The following ERC1 variants were observed in gnomAD, a reference collection of about 807,000 sequenced individuals.
The protein encoded by ERC1 is RAB6 interacting protein 2.
Under a neutral mutation model 132.0 loss-of-function variants are expected in ERC1, and 56 were observed. The ratio of observed to expected loss-of-function variants is 0.42; its 90% CI spans 0.34 to 0.53. The LOEUF (loss-of-function observed/expected upper bound fraction) is 0.53, where lower values mean the gene tolerates loss of function less well. ERC1 is among the 20% of genes least tolerant of loss of function. The pLI is 0.03. For missense variants in ERC1, 1,202 were observed against 1,349.9 expected, an observed-to-expected ratio of 0.89 and a Z score of 1.72; for synonymous variants, 478 against 476.1, an observed-to-expected ratio of 1.00 and a Z score of -0.05.
chr12:1,138,313 AATAC>A (rs1156853548), intron 7 of ERC1, among the ~76,000 whole-genome samples: 2 of 140,072 alleles, frequency 1.4e-5, no homozygotes, highest in Non-Finnish European at 3.0e-5. Context: ...TGTTGTATAT[AATAC>A]ATATGTTGTA....
At position 1,377,366 on chromosome 12, in the gene ERC1, T is replaced by C. The variant is rs74888496; in HGVS notation, c.2925+5389T>C. On this transcript the variant is annotated intron_variant, in intron 16 of 18. Transcript: ENST00000360905. ...CCAGCCTATGCTTTGAATTGGCCGT[T>C]TCTGCAATCTAGCAGACATTCTAGC... Among the ~76,000 whole-genome samples, 102 of 152,276 alleles carry C rather than the reference T, an allele frequency of 6.7e-4. 1 individual carries two copies. The highest frequency in any genetic ancestry group is 2.3e-3 in the African/African-American group (96 of 41,548).
chr12:1,309,133 A>G (rs1377922295), intron 15 of ERC1, among the ~76,000 whole-genome samples: 2 of 152,208 alleles, frequency 1.3e-5, no homozygotes, highest in Non-Finnish European at 2.9e-5. Flanking sequence ...TGTTGTTTAT[A>G]AGCTACCTAG....
chr12:1,290,500 A>T (rs553679306), intron 15 of ERC1, among the ~76,000 whole-genome samples: 1 of 152,220 alleles, frequency 6.6e-6, no homozygotes, highest in Non-Finnish European at 1.5e-5. Flanking sequence ...TGTCACTTTT[A>T]GCAGAGCTTT....
chr12:1,280,335 G>A (rs1406242287), intron 14 of ERC1, among the ~76,000 whole-genome samples: 1 of 152,116 alleles, frequency 6.6e-6, no homozygotes, highest in African/African-American at 2.4e-5. Flanking sequence ...TGCACGGTGG[G>A]ATTTATCCTA....
intron 12 of ERC1, among the ~76,000 whole-genome samples, chr12:1,202,599 G>A (rs189558245): frequency 4.5e-4 from 69 of 152,218 alleles, no homozygotes; most frequent in African/African-American, 1.6e-3. Flanking sequence ...AGAGTTTGCA[G>A]TGAGCCAAGA....
chr12:1,278,806 A>G (rs2078458162), intron 14 of ERC1, among the ~76,000 whole-genome samples: 1 of 152,220 alleles, frequency 6.6e-6, no homozygotes, highest in African/African-American at 2.4e-5. Flanking sequence ...GAGTTTTAAT[A>G]GAACCCTTAA....
chr12:1,001,665 G>A (rs1373712251), intron 1 of ERC1, among the ~76,000 whole-genome samples: 2 of 152,078 alleles, frequency 1.3e-5, no homozygotes, highest in African/African-American at 2.4e-5. Flanking sequence ...ATGTATTCAT[G>A]TCTGGCTTTG....
At chr12:1,154,173 C>CT (rs957822151) in intron 8 of ERC1, among the ~76,000 whole-genome samples, 3 of 148,766 alleles carry the variant, frequency 2.0e-5, no homozygotes, top group African/African-American at 7.4e-5. Flanking sequence ...TGATTTCATT[C>CT]TTTTTTTCAT....
rs368784319 is a variant in ERC1 at position 1,028,341 on chromosome 12, G to C, written c.438G>C (p.Ala146=). Residue 146 remains alanine, a synonymous_variant, in exon 2 of 19, where the codon GCG becomes GCC. Transcript: ENST00000360905. Reference sequence around the variant, plus strand: ...CTGTACCTCACTCCCTTCGTCAGGCGAGAGATAACACAATCATGGATCTGC... The same window carrying C: ...CTGTACCTCACTCCCTTCGTCAGGCCAGAGATAACACAATCATGGATCTGC... The part of the protein sequence containing the change: ...ASTVPHSLRQ[A]RDNTIMDLQT... 1.9e-6 allele frequency: 3 copies of C among 1,614,020 alleles called. No homozygotes were observed. Among genetic ancestry groups the C allele is most frequent in the African/African-American group, 1.3e-5 (1 of 74,900 alleles).
At chr12:1,438,671 G>A (rs548058928) in intron 17 of ERC1, among the ~76,000 whole-genome samples, 2 of 152,306 alleles carry the variant, frequency 1.3e-5, no homozygotes, top group South Asian at 2.1e-4. Context: ...GCTGGGTGCA[G>A]TGGCTCAGGC....
chr12:1,205,828 A>T lies in ERC1; in HGVS notation c.2351+15776A>T, dbSNP rs114728390. On this transcript the variant is annotated intron_variant, in intron 12 of 18. Coordinates refer to ENST00000360905, the MANE Select transcript of ERC1 (RefSeq NM_178040.4). ...ACTTTCATCTCTAACTTAAGCTTCA[A>T]GCTGACTCATTTTAGTGGGAAGTTT... 7.6e-3 allele frequency among the ~76,000 whole-genome samples: 1,159 copies of T among 152,222 alleles called. 17 individuals carry two copies. The highest frequency in any genetic ancestry group is 0.026 in the African/African-American group (1,090 of 41,542).
rs2094313546 is a variant in ERC1, at chr12:1,491,013, C to G, written c.*783C>G. Reference sequence around the variant, plus strand: ...TACTGAGGTGTTAGATCAAATATCTCTAATTGAAGAACATGTGAGGTTGAA... The same window carrying G: ...TACTGAGGTGTTAGATCAAATATCTGTAATTGAAGAACATGTGAGGTTGAA... On this transcript the variant is annotated 3_prime_UTR_variant, in exon 19 of 19. Coordinates refer to ENST00000360905, the MANE Select transcript of ERC1 (RefSeq NM_178040.4). The G allele has an allele frequency of 1.3e-5, 3 of 232,734 alleles. No individual in the cohort carries two copies. The South Asian group carries it at 5.4e-4, about 42-fold the overall frequency. 14.4% of individuals were successfully genotyped at this position (232,734 alleles called of 1,614,324 possible).
chr12:1,129,627 A>C (rs1027015783), intron 7 of ERC1, among the ~76,000 whole-genome samples: 8 of 152,224 alleles, frequency 5.3e-5, no homozygotes, highest in Non-Finnish European at 1.5e-5. Context: ...CAGTAGTGAG[A>C]ATATGGTAGC....
chr12:1,155,962 T>C (rs1274135786), intron 8 of ERC1, among the ~76,000 whole-genome samples: 1 of 152,096 alleles, frequency 6.6e-6, no homozygotes, highest in East Asian at 1.9e-4. Context: ...TGCAGTTCTT[T>C]AGGGTTATTA....
chr12:1,206,516 T>G (rs1056719135), intron 12 of ERC1, among the ~76,000 whole-genome samples: 2 of 152,086 alleles, frequency 1.3e-5, no homozygotes, highest in Admixed American at 1.3e-4. Flanking sequence ...CTGTCTTCCT[T>G]TGCATTCAGT....
chr12:994,247 A>C (rs1960323523), intron 1 of ERC1, among the ~76,000 whole-genome samples: 1 of 152,210 alleles, frequency 6.6e-6, no homozygotes, highest in African/African-American at 2.4e-5. Context: ...AAGAATCAGT[A>C]GTACATTGAT....
intron 18 of ERC1, among the ~76,000 whole-genome samples, chr12:1,465,339 C>G (rs1195145741): frequency 2.0e-5 from 3 of 152,176 alleles, no homozygotes; most frequent in Admixed American, 2.0e-4. Flanking sequence ...AGTTTTCTTC[C>G]AAACTTTTAA....
chr12:1,487,574 G>A (rs1169838978), intron 18 of ERC1, among the ~76,000 whole-genome samples: 2 of 147,320 alleles, frequency 1.4e-5, no homozygotes, highest in East Asian at 3.9e-4. Context: ...ACAAAAATTA[G>A]CCAGGCATGG....
intron 16 of ERC1, among the ~76,000 whole-genome samples, chr12:1,397,253 A>G (rs1483174649): frequency 6.6e-6 from 1 of 152,228 alleles, no homozygotes; most frequent in Non-Finnish European, 1.5e-5. Context: ...GGCAATATGT[A>G]GTAACATTGC....
Sources: gnomAD v4.1 joint callset for allele counts (sites outside exome capture counted in the v4.1 genomes callset) on GRCh38, gnomAD v4.1.1 for gene constraint, MANE v1.5 for transcripts, NCBI Gene and HGNC (gene_info 2026-07-23, HGNC 2026-07-21) for gene names.